The following NRG1 variants were observed in gnomAD, a reference collection of about 807,000 sequenced individuals.
NRG1 encodes neuregulin 1.
NRG1 carries 18 observed loss-of-function variants against 63.8 expected under a neutral mutation model. The observed-to-expected ratio is 0.28, with a 90% confidence interval of 0.19 to 0.42. The LOEUF (loss-of-function observed/expected upper bound fraction) is 0.42. NRG1 is among the 10% of genes least tolerant of loss of function. The pLI, the probability that NRG1 is intolerant of heterozygous loss-of-function variation, is 1.00. For missense variants in NRG1, 762 were observed against 814.7 expected, an observed-to-expected ratio of 0.94 and a Z score of 0.79; for synonymous variants, 302 against 301.3, an observed-to-expected ratio of 1.00 and a Z score of -0.02.
At chr8:31,979,764 C>T (rs1310488226) in intron 1 of NRG1, among the ~76,000 whole-genome samples, 3 of 152,008 alleles carry the variant, frequency 2.0e-5, no homozygotes, top group Admixed American at 6.6e-5. Flanking sequence ...TATTATATTA[C>T]AGTAAAACTG....
intron 1 of NRG1, among the ~76,000 whole-genome samples, chr8:31,994,405 C>T (rs775594640): frequency 6.6e-6 from 1 of 151,808 alleles, no homozygotes; most frequent in Non-Finnish European, 1.5e-5. Flanking sequence ...GCAATTCCAG[C>T]ACTTTGGGAA....
chr8:31,714,562 G>T (rs1417891940), intron 1 of NRG1, among the ~76,000 whole-genome samples: 1 of 152,080 alleles, frequency 6.6e-6, no homozygotes, highest in African/African-American at 2.4e-5. Context: ...TGAATTTAGA[G>T]TTCTATGTGA....
intron 1 of NRG1, among the ~76,000 whole-genome samples, chr8:32,467,122 G>A (rs774067225): frequency 7.2e-5 from 11 of 152,058 alleles, no homozygotes; most frequent in Non-Finnish European, 1.3e-4. Flanking sequence ...AATTTGCAAG[G>A]CTGAGACATA....
At chr8:31,701,051 G>A (rs1167555558) in intron 1 of NRG1, among the ~76,000 whole-genome samples, 2 of 152,098 alleles carry the variant, frequency 1.3e-5, no homozygotes, top group Admixed American at 6.6e-5. Flanking sequence ...CAGCAAGTAG[G>A]GAGTATTATT....
intron 1 of NRG1, among the ~76,000 whole-genome samples, chr8:31,775,747 A>C (rs1309740126): frequency 6.6e-6 from 1 of 151,568 alleles, no homozygotes; most frequent in Non-Finnish European, 1.5e-5. Context: ...GCTGGGCATG[A>C]TGGTGGGTGC....
rs62508604 is a variant in NRG1, at chr8:31,822,220, C to T, written c.37+182789C>T. On this transcript the variant is annotated intron_variant, in intron 1 of 10. Coordinates refer to the NRG1 transcript ENST00000519301. ...CCCTGAACTCTAATTACCATGGATA[C>T]GATATCACTCAACAGAACTTTTTCT... 2.8e-3 allele frequency among the ~76,000 whole-genome samples: 420 copies of T among 152,202 alleles called. 5 individuals are homozygous for T. Among genetic ancestry groups the T allele is most frequent in the Middle Eastern group, 0.01 (3 of 294 alleles).
intron 1 of NRG1, among the ~76,000 whole-genome samples, chr8:31,938,500 T>G (rs187485444): frequency 1.3e-5 from 2 of 152,064 alleles, no homozygotes; most frequent in Non-Finnish European, 2.9e-5. Context: ...AAAATAAGGT[T>G]ATTTAACACC....
chr8:31,643,304 A>G (rs1563248970), intron 1 of NRG1, among the ~76,000 whole-genome samples: 2 of 152,198 alleles, frequency 1.3e-5, no homozygotes. Context: ...AATAGAGCAA[A>G]GTCATTTTGT....
At chr8:31,977,256 A>G (rs1037707753) in intron 1 of NRG1, among the ~76,000 whole-genome samples, 1 of 152,282 alleles carries the variant, frequency 6.6e-6, no homozygotes, top group African/African-American at 2.4e-5. Flanking sequence ...CAACATGTCT[A>G]TTTTGAAACC....
intron 1 of NRG1, among the ~76,000 whole-genome samples, chr8:32,327,691 T>C (rs1802169563): frequency 6.6e-6 from 1 of 152,208 alleles, no homozygotes; most frequent in South Asian, 2.1e-4. Context: ...TTTTATATTC[T>C]AGGAAGCACA....
At chr8:31,780,374 C>T (rs925713370) in intron 1 of NRG1, among the ~76,000 whole-genome samples, 1 of 152,104 alleles carries the variant, frequency 6.6e-6, no homozygotes, top group Non-Finnish European at 1.5e-5. Context: ...GGTTTTATAA[C>T]ATCAGATTTT....
chr8:32,670,652 G>T (rs2128893549), intron 5 of NRG1, among the ~76,000 whole-genome samples: 1 of 152,194 alleles, frequency 6.6e-6, no homozygotes, highest in Non-Finnish European at 1.5e-5. Flanking sequence ...AATTTGTTTG[G>T]GTAGCATTTT....
chr8:31,826,162 G>A (rs1429099030), intron 1 of NRG1, among the ~76,000 whole-genome samples: 1 of 152,154 alleles, frequency 6.6e-6, no homozygotes, highest in Non-Finnish European at 1.5e-5. Flanking sequence ...TGGGTCTCAG[G>A]TCAATGGGAT....
intron 1 of NRG1, among the ~76,000 whole-genome samples, chr8:31,717,167 GA>G (rs774489913): frequency 1.3e-5 from 2 of 152,170 alleles, no homozygotes; most frequent in Non-Finnish European, 2.9e-5. Context: ...AGCACACTGG[GA>G]GGCTGAGGCA....
chr8:31,740,395 C>T (rs1296376900), intron 1 of NRG1, among the ~76,000 whole-genome samples: 4 of 152,004 alleles, frequency 2.6e-5, no homozygotes, highest in Non-Finnish European at 5.9e-5. Context: ...AGTAAGCCCT[C>T]AGTTGTCTTG....
intron 3 of NRG1, among the ~76,000 whole-genome samples, chr8:32,613,609 A>G (rs1846778387): frequency 2.0e-5 from 3 of 152,054 alleles, no homozygotes; most frequent in African/African-American, 4.8e-5. Flanking sequence ...TGTACAGTAG[A>G]TAGTATCGCA....
intron 5 of NRG1, among the ~76,000 whole-genome samples, chr8:32,666,840 A>G (rs1428230915): frequency 2.0e-5 from 3 of 152,174 alleles, no homozygotes; most frequent in Non-Finnish European, 4.4e-5. Context: ...TTTCTGTGAA[A>G]CATCATATAA....
At chr8:32,748,334 C>T (rs550858421) in intron 7 of NRG1, among the ~76,000 whole-genome samples, 78 of 76,418 alleles carry the variant, frequency 1.0e-3, no homozygotes, top group African/African-American at 2.7e-3. Context: ...TACACGCGCG[C>T]GCGCGCACAC....
intron 1 of NRG1, among the ~76,000 whole-genome samples, chr8:31,764,998 T>A (rs978719153): frequency 1.3e-5 from 2 of 151,396 alleles, no homozygotes; most frequent in Admixed American, 6.6e-5. Flanking sequence ...TGTTTGATCT[T>A]CTTTGATTTA....
Sources: gnomAD v4.1 joint callset for allele counts (sites outside exome capture counted in the v4.1 genomes callset) on GRCh38, gnomAD v4.1.1 for gene constraint, MANE v1.5 for transcripts, NCBI Gene and HGNC (gene_info 2026-07-23, HGNC 2026-07-21) for gene names.